The following SCML2 variants were observed in gnomAD, a reference collection of about 807,000 sequenced individuals.
The protein encoded by SCML2 is sex comb on midleg-like protein 2.
In SCML2, 6 loss-of-function variants were observed where a neutral mutation model predicts 48.4. That is an observed-to-expected ratio of 0.12 (90% CI 0.07 to 0.24). SCML2 has a LOEUF of 0.24. Among genes scored for constraint, SCML2 ranks in the 10% least tolerant of loss-of-function variants. The pLI, the probability that SCML2 is intolerant of heterozygous loss-of-function variation, is 1.00. For missense variants in SCML2, 377 were observed against 528.2 expected (o/e 0.71, Z 2.81); for synonymous variants, 181 against 189.5 (o/e 0.95, Z 0.37).
chrX:18,346,844 T>C (rs1930215518), intron 1 of SCML2, among the ~76,000 whole-genome samples: 1 of 112,328 alleles, frequency 8.9e-6, no homozygotes, highest in Non-Finnish European at 1.9e-5. Context: ...ACTGTAGTTA[T>C]GTATTTTTTC....
intron 7 of SCML2, among the ~76,000 whole-genome samples, chrX:18,291,308 T>G (rs913018016): frequency 3.6e-5 from 4 of 111,564 alleles, no homozygotes; most frequent in Non-Finnish European, 5.7e-5. Context: ...AAAGAAAACT[T>G]AAATAAACAA....
intron 11 of SCML2, among the ~76,000 whole-genome samples, chrX:18,252,982 CA>C (rs1256740778): frequency 9.0e-5 from 10 of 111,626 alleles, no homozygotes; most frequent in African/African-American, 2.9e-4. Flanking sequence ...AAAGACCCAC[CA>C]GGGGGTCTTT....
chrX:18,292,001 C>T (rs978799528), intron 7 of SCML2, among the ~76,000 whole-genome samples: 1 of 110,308 alleles, frequency 9.1e-6, no homozygotes, highest in African/African-American at 3.3e-5. Context: ...GCACTCAAAT[C>T]AATAAGAAAA....
intron 7 of SCML2, among the ~76,000 whole-genome samples, chrX:18,276,129 T>G (rs1927622203): frequency 9.0e-6 from 1 of 111,266 alleles, no homozygotes; most frequent in Admixed American, 9.5e-5. Context: ...ACCCCGTGTC[T>G]ACTAAAAACA....
intron 1 of SCML2, among the ~76,000 whole-genome samples, chrX:18,339,317 A>G (rs1743828364): frequency 8.9e-6 from 1 of 112,604 alleles, no homozygotes; most frequent in African/African-American, 3.2e-5. Context: ...TATACATTCT[A>G]GCTAAAGCCA....
At chrX:18,282,504 A>G (rs1927899668) in intron 7 of SCML2, among the ~76,000 whole-genome samples, 1 of 110,862 alleles carries the variant, frequency 9.0e-6, no homozygotes, top group African/African-American at 3.3e-5. Context: ...CAAGCATAGT[A>G]GCACACACCT....
chrX:18,308,242 GGAGTGA>G (rs1466605262), intron 6 of SCML2, among the ~76,000 whole-genome samples: 3 of 98,425 alleles, frequency 3.0e-5, no homozygotes, highest in Admixed American at 2.3e-4. Flanking sequence ...CCTGGGCAAC[GGAGTGA>G]GATGCTATCT....
chrX:18,259,231 C>G (rs1228985584), intron 9 of SCML2, among the ~76,000 whole-genome samples: 1 of 108,108 alleles, frequency 9.3e-6, no homozygotes, highest in African/African-American at 3.4e-5. Context: ...CCACTGCACT[C>G]CAGCCTGGGT....
intron 7 of SCML2, among the ~76,000 whole-genome samples, chrX:18,294,562 C>T (rs1007645702): frequency 2.7e-5 from 3 of 110,974 alleles, no homozygotes; most frequent in Non-Finnish European, 5.7e-5. Context: ...TAGCACAGCG[C>T]CATTCTGAGA....
chrX:18,334,481 T>G (rs1378944026), intron 1 of SCML2, among the ~76,000 whole-genome samples: 1 of 111,790 alleles, frequency 8.9e-6, no homozygotes, highest in African/African-American at 3.2e-5. Context: ...GTTAGCAAAG[T>G]TAGGATTCAA....
chrX:18,295,034 G>A (rs905080062), intron 7 of SCML2, among the ~76,000 whole-genome samples: 17 of 111,017 alleles, frequency 1.5e-4, no homozygotes, highest in African/African-American at 4.3e-4. Context: ...CTTGCACACT[G>A]GTTTTCCCTG....
intron 7 of SCML2, among the ~76,000 whole-genome samples, chrX:18,269,432 C>T (rs930423241): frequency 8.9e-6 from 1 of 112,099 alleles, no homozygotes; most frequent in Non-Finnish European, 1.9e-5. Context: ...TTGCCTTCCA[C>T]CATGAATGTA....
At chrX:18,350,154 C>A (rs996539951) in intron 1 of SCML2, among the ~76,000 whole-genome samples, 1 of 110,195 alleles carries the variant, frequency 9.1e-6, no homozygotes, top group Non-Finnish European at 1.9e-5. Context: ...GTGATGCACG[C>A]CTGTAATCCC....
rs767678671 is a variant in SCML2 at position 18,304,094 on chromosome X, C to T, written c.730+878G>A. On this transcript the variant is annotated intron_variant, in intron 7 of 14. Transcript: ENST00000251900. ...TGTTCTCGTTGCCCAGGCAGGAGTG[C>T]AGTGGCGCGATCTCAGCTCACTGCA... 3.6e-5 allele frequency among the ~76,000 whole-genome samples: 4 copies of T among 111,563 alleles called. No individual in the cohort carries two copies. In the South Asian group the frequency reaches 1.1e-3, roughly 32 times the overall value.
intron 7 of SCML2, among the ~76,000 whole-genome samples, chrX:18,278,316 G>A (rs1346010402): frequency 2.7e-5 from 3 of 111,636 alleles, no homozygotes; most frequent in Non-Finnish European, 5.7e-5. Context: ...CAGGGTACCC[G>A]AATGCAAGGC....
At chrX:18,261,282 G>A (rs939864938) in intron 8 of SCML2, among the ~76,000 whole-genome samples, 3 of 108,185 alleles carry the variant, frequency 2.8e-5, no homozygotes, top group Non-Finnish European at 3.8e-5. Flanking sequence ...ATAGGCATGC[G>A]CCACTGCCTG....
chrX:18,308,110 T>A (rs1342455471), intron 6 of SCML2, among the ~76,000 whole-genome samples: 4 of 99,899 alleles, frequency 4.0e-5, no homozygotes, highest in Non-Finnish European at 8.1e-5. Context: ...AAAAAAAAAA[T>A]TAGCTGGGTG....
intron 1 of SCML2, among the ~76,000 whole-genome samples, 160 bp downstream of exon 1, chrX:18,354,432 G>C (rs1334940809): frequency 8.9e-6 from 1 of 111,771 alleles, no homozygotes; most frequent in East Asian, 2.9e-4. Context: ...ACCCTATCGC[G>C]AAGCCGAACT....
intron 1 of SCML2, among the ~76,000 whole-genome samples, chrX:18,336,823 C>T (rs1022000577): frequency 9.1e-6 from 1 of 110,226 alleles, no homozygotes; most frequent in African/African-American, 3.3e-5. Context: ...ATGTATATCG[C>T]AAATTTTAGG....
Sources: gnomAD v4.1 joint callset for allele counts (sites outside exome capture counted in the v4.1 genomes callset) on GRCh38, gnomAD v4.1.1 for gene constraint, MANE v1.5 for transcripts, NCBI Gene and HGNC (gene_info 2026-07-23, HGNC 2026-07-21) for gene names.